The following ZYG11B variants were observed in gnomAD, a reference collection of about 807,000 sequenced individuals.
ZYG11B encodes zyg-11 family member B, cell cycle regulator.
Under a neutral mutation model 82.4 loss-of-function variants are expected in ZYG11B, and 36 were observed. That is an observed-to-expected ratio of 0.44 (90% confidence interval 0.33 to 0.58). ZYG11B has a LOEUF of 0.58. ZYG11B is among the 20% of genes least tolerant of loss of function. ZYG11B has a pLI of 0.02. For missense variants in ZYG11B, 552 were observed against 895.6 expected (o/e 0.62, Z 4.90); for synonymous variants, 303 against 312.8 (o/e 0.97, Z 0.33).
At position 52,767,856 on chromosome 1, in the gene ZYG11B, C is replaced by T. The variant is rs187630621; in HGVS notation, c.197-3164C>T. 4.7e-3 allele frequency among the ~76,000 whole-genome samples: 711 copies of T among 152,174 alleles called. 2 individuals are homozygous for T. Among genetic ancestry groups the T allele is most frequent in the African/African-American group, 0.016 (681 of 41,520 alleles). ...TCCACTAGACTTCCTATGACAGCAC[C>T]CCAGCAGGGAAGCAGGTAGAGAACT... On this transcript the variant is annotated intron_variant, in intron 2 of 13. Transcript: ENST00000294353.
chr1:52,758,337 A>G (rs1034229188), intron 2 of ZYG11B, among the ~76,000 whole-genome samples: 13 of 152,120 alleles, frequency 8.5e-5, no homozygotes, highest in African/African-American at 2.4e-4. Context: ...TTGAATGCCT[A>G]TGTGCCAGGG....
At chr1:52,815,927 TC>T (rs1268166156) in intron 12 of ZYG11B, among the ~76,000 whole-genome samples, 1 of 151,922 alleles carries the variant, frequency 6.6e-6, no homozygotes, top group African/African-American at 2.4e-5. Flanking sequence ...AGAGCGAGAC[TC>T]CGTATCAAAA....
intron 1 of ZYG11B, among the ~76,000 whole-genome samples, chr1:52,732,732 T>C (rs1644343308): frequency 6.6e-6 from 1 of 150,894 alleles, no homozygotes; most frequent in African/African-American, 2.4e-5. Flanking sequence ...GCCACTGCAC[T>C]CCAGCCTGGC....
At chr1:52,803,538 T>C (rs780535041) in intron 10 of ZYG11B, among the ~76,000 whole-genome samples, 3 of 151,576 alleles carry the variant, frequency 2.0e-5, no homozygotes, top group Non-Finnish European at 4.4e-5. Context: ...AAAAATATAA[T>C]ACGCATATGC....
At chr1:52,811,978 C>T (rs1237212218) in intron 10 of ZYG11B, among the ~76,000 whole-genome samples, 11 of 151,998 alleles carry the variant, frequency 7.2e-5, no homozygotes, top group Admixed American at 7.2e-4. Context: ...TTGCAGTGAG[C>T]TGAGATCGCG....
intron 10 of ZYG11B, among the ~76,000 whole-genome samples, chr1:52,803,279 C>CACATAT (rs369258244): frequency 2.9e-5 from 2 of 68,104 alleles, no homozygotes; most frequent in African/African-American, 1.3e-4. Context: ...CACACACACA[C>CACATAT]ATATATATAT....
chr1:52,805,869 CA>C (rs947969486), intron 10 of ZYG11B, among the ~76,000 whole-genome samples: 7 of 149,926 alleles, frequency 4.7e-5, no homozygotes, highest in Non-Finnish European at 7.4e-5. Context: ...GACTTCATCT[CA>C]AAAAAAAACC....
chr1:52,799,476 G>A (rs563025390), intron 8 of ZYG11B, among the ~76,000 whole-genome samples: 67 of 150,482 alleles, frequency 4.5e-4, no homozygotes, highest in Non-Finnish European at 8.9e-4. Flanking sequence ...GACAGAGCAA[G>A]GCTCTGTCTC....
In ZYG11B at chr1:52,771,038, C is replaced by G; in HGVS notation, c.215C>G (p.Thr72Ser). Residue 72 changes from threonine to serine, a missense_variant, in exon 3 of 14, where the codon ACT becomes AGT. By Grantham distance (58) the Thr-to-Ser change is moderately conservative. Around this residue, in one of 3 missense-constraint regions of ZYG11B, gnomAD observed 359 missense variants for 555.8 expected, o/e 0.65. Coordinates refer to ENST00000294353, the MANE Select transcript of ZYG11B (RefSeq NM_024646.3). This position sits in a 1 kb window ranked among gnomAD's most constrained non-coding sequence, Gnocchi z 5.4. ...TCCACAGGTCTATTGAATGATGGAA[C>G]TGTGGGTATTTTTAGGGGCAACCAG... is the stretch of plus-strand genomic sequence containing the variant. ...MAFHGLLNDG[T>S]VGIFRGNQMR... The G allele has an allele frequency of 6.2e-7, 1 of 1,612,524 alleles. No individual in the cohort carries two copies. The highest frequency in any genetic ancestry group is 8.5e-7 in the Non-Finnish European group (1 of 1,178,848).
Position 52,784,906 on chromosome 1 carries a change from T to C in ZYG11B, c.1122T>C (p.Pro374=). 1.2e-6 allele frequency: 2 copies of C among 1,613,828 alleles called. No individual in the cohort carries two copies. Among genetic ancestry groups the C allele is most frequent in the Non-Finnish European group, 1.7e-6 (2 of 1,179,936 alleles). Residue 374 remains proline, a synonymous_variant, in exon 5 of 14, where the codon CCT becomes CCC. Transcript: ENST00000294353. ...KLVVTGMRNH[P]MNLPVQLAAS... ...TGGTTACTGGGATGAGAAACCACCC[T>C]ATGAATTTGCCAGTGCAACTGGCTG...
chr1:52,787,716 A>G (rs1293508058), intron 5 of ZYG11B, among the ~76,000 whole-genome samples: 1 of 152,216 alleles, frequency 6.6e-6, no homozygotes, highest in Non-Finnish European at 1.5e-5. Context: ...AAGTTTGAGA[A>G]GCACTGTCTT....
intron 2 of ZYG11B, among the ~76,000 whole-genome samples, chr1:52,758,198 C>CA (rs11325463): frequency 3.9e-3 from 258 of 65,992 alleles, no homozygotes; most frequent in East Asian, 6.6e-3. Flanking sequence ...GACTCTGTCT[C>CA]AAAAAAAAAA....
In ZYG11B at chr1:52,821,698, C is replaced by T; in HGVS notation, c.*69C>T. 2 of 1,447,488 alleles carry T rather than the reference C, an allele frequency of 1.4e-6. No individual in the cohort carries two copies. Among genetic ancestry groups the T allele is most frequent in the Non-Finnish European group, 1.9e-6 (2 of 1,064,096 alleles). The allele number at this position is 1,447,488 out of a possible 1,614,324, so 89.7% of individuals were successfully genotyped here. ...TGATTGGTCCATTTGGAATATCTTA[C>T]CCTCCCTGATGTTTTGGGGGTTTCT... On this transcript the variant is annotated 3_prime_UTR_variant, in exon 14 of 14. Coordinates refer to ENST00000294353, the MANE Select transcript of ZYG11B (RefSeq NM_024646.3).
At chr1:52,739,832 CT>C (rs1465159738) in intron 1 of ZYG11B, among the ~76,000 whole-genome samples, 2 of 151,946 alleles carry the variant, frequency 1.3e-5, no homozygotes, top group Non-Finnish European at 2.9e-5. Flanking sequence ...TCTTGAACTC[CT>C]GACCTCAAGT....
Position 52,813,678 on chromosome 1 carries a change from G to A in ZYG11B, c.1838G>A (p.Gly613Asp), listed in dbSNP as rs1214486067. Residue 613 changes from glycine to aspartate, a missense_variant, in exon 11 of 14, where the codon GGT becomes GAT. This residue lies in a region of ZYG11B where 127 missense variants were observed against 163.4 expected (regional missense o/e 0.78). Transcript: ENST00000294353. The part of the protein sequence containing the change: ...AGIIAHLISR[G>D]EQAWTLSRSQ... ...ATTATTGCCCATTTAATATCCAGAGGTGAACAAGCTTGGACATTGAGTCGT... is the reference window on the plus strand; with the variant it reads ...ATTATTGCCCATTTAATATCCAGAGATGAACAAGCTTGGACATTGAGTCGT... 1 of 1,614,146 alleles carries A rather than the reference G, an allele frequency of 6.2e-7. No homozygotes were observed. Among genetic ancestry groups the A allele is most frequent in the East Asian group, 2.2e-5 (1 of 44,862 alleles).
intron 5 of ZYG11B, among the ~76,000 whole-genome samples, chr1:52,787,582 A>G (rs1296869722): frequency 6.6e-6 from 1 of 152,184 alleles, no homozygotes; most frequent in Non-Finnish European, 1.5e-5. Context: ...TTGCTACTCA[A>G]AGTGTGTTCT....
At chr1:52,784,057 T>C (rs1168507049) in intron 4 of ZYG11B, among the ~76,000 whole-genome samples, 3 of 150,026 alleles carry the variant, frequency 2.0e-5, no homozygotes, top group African/African-American at 7.3e-5. Flanking sequence ...AATGGTGTGC[T>C]CTTGGCTCAC....
At chr1:52,768,836 C>T (rs956454632) in intron 2 of ZYG11B, among the ~76,000 whole-genome samples, 3 of 152,128 alleles carry the variant, frequency 2.0e-5, no homozygotes, top group African/African-American at 7.2e-5. Context: ...TCAGGTGATC[C>T]ATCCGCCTCG....
intron 1 of ZYG11B, among the ~76,000 whole-genome samples, chr1:52,731,458 TC>T (rs1644332241): frequency 6.6e-6 from 1 of 152,146 alleles, no homozygotes; most frequent in African/African-American, 2.4e-5. Flanking sequence ...TAGCACTTTT[TC>T]ATAGAATACA....
Sources: gnomAD v4.1 joint callset for allele counts (sites outside exome capture counted in the v4.1 genomes callset) on GRCh38, gnomAD v4.1.1 for gene constraint, gnomAD v4.1.1 regional missense constraint, Gnocchi (gnomAD v3.1) non-coding constraint, MANE v1.5 for transcripts, NCBI Gene and HGNC (gene_info 2026-07-23, HGNC 2026-07-21) for gene names.